The following CLEC12A variants were observed in gnomAD, a reference collection of about 807,000 sequenced individuals.
CLEC12A encodes C-type lectin domain family 12 member A.
Under a neutral mutation model 26.5 loss-of-function variants are expected in CLEC12A, and 22 were observed. The ratio of observed to expected loss-of-function variants is 0.83; its 90% CI spans 0.59 to 1.19. The LOEUF is 1.19. Ranked by LOEUF, CLEC12A falls within the 50% of genes most tolerant of loss-of-function variation. The pLI is 0.00. For synonymous variants in CLEC12A, 119 were observed against 101.9 expected, an observed-to-expected ratio of 1.17 and a Z score of -1.01; for missense variants, 353 against 315.6, an observed-to-expected ratio of 1.12 and a Z score of -0.90.
Position 9,985,465 on chromosome 12 carries a change from G to A in CLEC12A, c.*439G>A, listed in dbSNP as rs899549712. The stretch of plus-strand genomic sequence containing the variant: ...TCCATGGGACTCCCTATGGCTGAAG[G>A]CCTTATGAGTCAAAGGACTTATAGC... On this transcript the variant is annotated 3_prime_UTR_variant, in exon 6 of 6. Coordinates refer to ENST00000304361, the MANE Select transcript of CLEC12A (RefSeq NM_138337.6). 1.8e-5 allele frequency: 7 copies of A among 398,824 alleles called. No individual in the cohort carries two copies. Among genetic ancestry groups the A allele is most frequent in the Non-Finnish European group, 2.7e-5 (6 of 226,374 alleles). 24.7% of individuals were successfully genotyped at this position (398,824 alleles called of 1,614,324 possible).
At chr12:9,997,449 T>G (rs1291953047), downstream of CLEC12A, among the ~76,000 whole-genome samples, 5 of 151,894 alleles carry the variant, frequency 3.3e-5, no homozygotes, top group African/African-American at 1.2e-4. Flanking sequence ...AAGAACAAAT[T>G]AAGAAATACA....
downstream of CLEC12A, among the ~76,000 whole-genome samples, chr12:10,000,397 A>C (rs1865144572): frequency 6.6e-6 from 1 of 152,196 alleles, no homozygotes; most frequent in African/African-American, 2.4e-5. Flanking sequence ...TATTTTGAGA[A>C]TGAGGTGAAG....
chr12:9,999,622 A>G (rs1048412612), downstream of CLEC12A, among the ~76,000 whole-genome samples: 1 of 152,194 alleles, frequency 6.6e-6, no homozygotes, highest in Non-Finnish European at 1.5e-5. Context: ...GTTGGAAGAG[A>G]TCATTCCTGA....
At position 9,979,043 on chromosome 12, in the gene CLEC12A, T is replaced by C; in HGVS notation, c.169T>C (p.Leu57=). Residue 57 remains leucine (L), a synonymous_variant, in exon 2 of 6, where the codon TTG becomes CTG. Transcript: ENST00000304361. Reference sequence around the variant, plus strand: ...TCTGTGCCTTCTGTTGCTCATTGGATTGGGAGTCTTGGCAAGCATGTGTAT... The same window carrying C: ...TCTGTGCCTTCTGTTGCTCATTGGACTGGGAGTCTTGGCAAGCATGTGTAT... ...TLLCLLLLIG[L]GVLASMFHVT... 3 of 1,613,728 alleles carry C rather than the reference T, an allele frequency of 1.9e-6. No homozygotes were observed. Among genetic ancestry groups the C allele is most frequent in the Non-Finnish European group, 2.5e-6 (3 of 1,179,666 alleles).
At chr12:9,953,243 C>CA (rs1863667552) in intron 1 of CLEC12A, 1 of 112,320 alleles carries the variant, frequency 8.9e-6, no homozygotes, top group African/African-American at 3.4e-5. Context: ...CGCCTCTGCC[C>CA]GCCCCCCCCT....
rs376440821 is a variant in CLEC12A, at chr12:9,963,073, T to G, written c.11-8504T>G. Reference sequence around the variant, plus strand: ...AGTTGCTAGAAGAAACATTTGTCATTTAGAATTATTCGTGATGGCCTGGAT... The same window carrying G: ...AGTTGCTAGAAGAAACATTTGTCATGTAGAATTATTCGTGATGGCCTGGAT... On this transcript the variant is annotated intron_variant, in intron 1 of 6. Coordinates refer to the CLEC12A transcript ENST00000355690. Among the ~76,000 whole-genome samples the G allele has an allele frequency of 2.5e-3, 377 of 152,186 alleles. 4 individuals carry two copies. The highest frequency in any genetic ancestry group is 8.7e-3 in the African/African-American group (360 of 41,498).
At chr12:9,979,620 T>C in intron 3 of CLEC12A, 96 bp downstream of exon 3, 4 of 873,402 alleles carry the variant, frequency 4.6e-6, no homozygotes, top group Non-Finnish European at 6.8e-6. Flanking sequence ...AGCCTTTCTC[T>C]AGGGAGTCAT....
chr12:9,998,051 A>G (rs1865094236), downstream of CLEC12A, among the ~76,000 whole-genome samples: 1 of 152,214 alleles, frequency 6.6e-6, no homozygotes, highest in Non-Finnish European at 1.5e-5. Flanking sequence ...AAAGGCCAGT[A>G]GTACATTCTT....
At chr12:9,978,853 C>T in intron 1 of CLEC12A, 113 bp from the exon 2 acceptor site, 1 of 732,244 alleles carries the variant, frequency 1.4e-6, no homozygotes, top group Non-Finnish European at 2.4e-6. Context: ...CCATTTCTTT[C>T]CAATAGGCAT....
At chr12:9,979,265 C>T in intron 2 of CLEC12A, 71 bp from the exon 3 acceptor site, 1 of 1,230,830 alleles carries the variant, frequency 8.1e-7, no homozygotes, top group Non-Finnish European at 1.1e-6. Context: ...CTTTATACTA[C>T]TTCTGCAAAT....
Position 9,971,409 on chromosome 12 carries a change from G to T in CLEC12A, c.-188G>T. On this transcript the variant is annotated 5_prime_UTR_variant, in exon 1 of 6. Transcript: ENST00000304361. ...TTAACTGAAGCCACAGATGAGATTT[G>T]GCTCATTTGCAGACATATGGGTGAT... 8.2e-7 allele frequency: 1 copy of T among 1,218,066 alleles called. No individual in the cohort carries two copies. The highest frequency in any genetic ancestry group is 1.6e-5 in the African/African-American group (1 of 63,844). The allele number at this position is 1,218,066 out of a possible 1,614,324, so 75.5% of individuals were successfully genotyped here.
chr12:9,971,716 A>G (rs1234491398), intron 1 of CLEC12A, 29 bp downstream of exon 1: 1 of 1,593,390 alleles, frequency 6.3e-7, no homozygotes, highest in East Asian at 2.3e-5. Context: ...GATGTGTTGT[A>G]AGTTTGTATA....
In CLEC12A at chr12:9,955,110, G is replaced by A. The variant is rs1004530520; in HGVS notation, c.10+3754G>A. ...CTTTATGTTTCTTTTTTTTAAAAAC[G>A]GAGTCTCACTCTGTCGCCCAGGCTG... On this transcript the variant is annotated intron_variant, in intron 1 of 6. Transcript: ENST00000355690. Among the ~76,000 whole-genome samples the A allele has an allele frequency of 3.3e-5, 5 of 151,950 alleles. No homozygotes were observed. The South Asian group carries it at 8.3e-4, about 25-fold the overall frequency.
At chr12:10,005,333 G>C in the CLEC12A span, among the ~76,000 whole-genome samples, 53,561 of 152,024 alleles carry the variant, frequency 0.35, 9,800 homozygotes, top group Middle Eastern at 0.38. Context: ...ATATAATCGA[G>C]TTCTTCTGGA....
chr12:9,966,310 G>T (rs78938115), intron 1 of CLEC12A, among the ~76,000 whole-genome samples: 1 of 152,200 alleles, frequency 6.6e-6, no homozygotes, highest in African/African-American at 2.4e-5. Context: ...GGCTTCTGAG[G>T]TGATTGGGCA....
chr12:9,989,261 T>C (rs957785759), downstream of CLEC12A, among the ~76,000 whole-genome samples: 7 of 151,612 alleles, frequency 4.6e-5, no homozygotes, highest in African/African-American at 7.3e-5. Flanking sequence ...ACACCTAATG[T>C]TAAATGACGA....
At position 9,971,699 on chromosome 12, in the gene CLEC12A, A is replaced by G. The variant is rs773764131; in HGVS notation, c.91+12A>G. 6.2e-7 allele frequency: 1 copy of G among 1,606,700 alleles called. No individual in the cohort carries two copies. The highest frequency in any genetic ancestry group is 8.5e-7 in the Non-Finnish European group (1 of 1,176,492). ...ATTTGGGGAAAAAGGTAAGATTTTG[A>G]GTTATGGATGTGTTGTAAGTTTGTA... On this transcript the variant is annotated intron_variant, in intron 1 of 5. Coordinates refer to ENST00000304361, the MANE Select transcript of CLEC12A (RefSeq NM_138337.6).
chr12:9,999,633 T>G (rs1199777398), downstream of CLEC12A, among the ~76,000 whole-genome samples: 1 of 152,218 alleles, frequency 6.6e-6, no homozygotes, highest in Non-Finnish European at 1.5e-5. Context: ...TCATTCCTGA[T>G]TATGACCTAG....
chr12:9,995,861 T>G (rs1865031544), downstream of CLEC12A, among the ~76,000 whole-genome samples: 1 of 152,186 alleles, frequency 6.6e-6, no homozygotes, highest in African/African-American at 2.4e-5. Context: ...GGCTGTTGCT[T>G]TAACTAGAAT....
Sources: gnomAD v4.1 joint callset for allele counts (sites outside exome capture counted in the v4.1 genomes callset) on GRCh38, gnomAD v4.1.1 for gene constraint, MANE v1.5 for transcripts, NCBI Gene and HGNC (gene_info 2026-07-23, HGNC 2026-07-21) for gene names.